The following NELFB variants were observed in gnomAD, a reference collection of about 807,000 sequenced individuals.
NELFB encodes negative elongation factor B.
A neutral mutation model predicts 60.2 loss-of-function variants in NELFB; 34 were observed. That is an observed-to-expected ratio of 0.56 (90% CI 0.43 to 0.75). NELFB has a LOEUF of 0.75. Among genes scored for constraint, NELFB ranks in the 30% least tolerant of loss-of-function variants. The probability of loss-of-function intolerance (pLI) is 0.00; values close to 1 mark genes in which losing one functional copy is unlikely to be tolerated. For missense variants in NELFB, 770 were observed against 831.6 expected (o/e 0.93, Z 0.91); for synonymous variants, 459 against 382.1 (o/e 1.20, Z -2.35).
chr9:137,261,140 A>G (rs1830435443), intron 4 of NELFB, among the ~76,000 whole-genome samples: 1 of 149,472 alleles, frequency 6.7e-6, no homozygotes, highest in Non-Finnish European at 1.5e-5. Flanking sequence ...CAGGAGATCG[A>G]GACCATCCTG....
chr9:137,272,276 A>G, intron 11 of NELFB, 54 bp downstream of exon 11: 3 of 1,600,786 alleles, frequency 1.9e-6, no homozygotes, highest in Non-Finnish European at 2.6e-6. Context: ...TCTTGTCCGT[A>G]GCAGCCTGAG....
intron 10 of NELFB, among the ~76,000 whole-genome samples, chr9:137,268,670 C>T (rs1465415989): frequency 6.6e-6 from 1 of 152,122 alleles, no homozygotes; most frequent in Admixed American, 6.6e-5. Context: ...CTGGCTGGGG[C>T]TTTTTGCTGT....
At chr9:137,267,162 G>A (rs1184931927) in intron 9 of NELFB, 76 bp downstream of exon 9, 28 of 1,611,820 alleles carry the variant, frequency 1.7e-5, no homozygotes, top group Non-Finnish European at 2.2e-5. Flanking sequence ...GCTGCCTCAG[G>A]GCTGGGCAGG....
At chr9:137,263,591 T>A (rs13300843) in intron 5 of NELFB, among the ~76,000 whole-genome samples, 103,317 of 150,314 alleles carry the variant, frequency 0.69, 36,155 homozygotes, top group Admixed American at 0.77. Flanking sequence ...TTCTCTCCCA[T>A]GCCTGTTTCC....
At chr9:137,264,388 C>T (rs1256918417) in intron 6 of NELFB, 31 bp downstream of exon 6, 1 of 1,497,202 alleles carries the variant, frequency 6.7e-7, no homozygotes, top group South Asian at 1.2e-5. Flanking sequence ...GCCTCTGCCC[C>T]TCAGGGCCCT....
rs1253026203 is a variant in NELFB, at chr9:137,272,802, G to A, written c.1761G>A (p.Glu587=). 1.9e-6 allele frequency: 3 copies of A among 1,549,696 alleles called. No individual in the cohort carries two copies. Among genetic ancestry groups the A allele is most frequent in the Admixed American group, 2.0e-5 (1 of 50,994 alleles). Reference sequence around the variant, plus strand: ...CGCAGAGCGGAGAGGCAGTGAAGGAGCTTTACTCCCAGCTCGGCGAGAAGC... The same window carrying A: ...CGCAGAGCGGAGAGGCAGTGAAGGAACTTTACTCCCAGCTCGGCGAGAAGC... Residue 587 remains glutamate, a synonymous_variant, in exon 13 of 13, where the codon GAG becomes GAA. Transcript: ENST00000343053.
Position 137,255,436 on chromosome 9 carries a change from G to A in NELFB, c.71G>A (p.Gly24Glu). ...CGAGGCCCGGCGGAGCGGGCTTCTG[G>A]GGTGTCTGCGGCGGCGCCGGGGGAA... The change falls in exon 1 of 13, where the codon GGG (glycine) becomes GAG (glutamate). Residue 24 changes from glycine to glutamate, a missense_variant. Coordinates refer to ENST00000343053, the MANE Select transcript of NELFB (RefSeq NM_015456.5). 2.2e-6 allele frequency: 3 copies of A among 1,345,448 alleles called. No homozygotes were observed. The highest frequency in any genetic ancestry group is 3.0e-6 in the Non-Finnish European group (3 of 1,014,380). The allele number at this position is 1,345,448 out of a possible 1,614,324, so 83.3% of individuals were successfully genotyped here. A position where few individuals can be genotyped will look rare whatever the true frequency, so the allele number is the denominator to read the frequency against.
chr9:137,256,554 A>G (rs1305611757), intron 3 of NELFB, 126 bp downstream of exon 3: 4 of 856,836 alleles, frequency 4.7e-6, no homozygotes, highest in Non-Finnish European at 7.5e-6. Flanking sequence ...AGTGCTGTCC[A>G]TGGTGAGCTC....
At chr9:137,270,539 G>A (rs1026592728) in intron 10 of NELFB, among the ~76,000 whole-genome samples, 2 of 152,316 alleles carry the variant, frequency 1.3e-5, no homozygotes, top group South Asian at 2.1e-4. Context: ...GCAGTGAGCC[G>A]AGATTGCACC....
chr9:137,261,728 G>A (rs530476220), intron 4 of NELFB, among the ~76,000 whole-genome samples: 6 of 151,992 alleles, frequency 3.9e-5, no homozygotes, highest in African/African-American at 1.2e-4. Flanking sequence ...TTTTCTCCCC[G>A]TGTGCGGAGA....
intron 8 of NELFB, 99 bp downstream of exon 8, chr9:137,266,525 C>T (rs912259193): frequency 2.0e-6 from 2 of 1,021,390 alleles, no homozygotes; most frequent in Admixed American, 4.9e-5. Context: ...TGTGGAGGCC[C>T]CTTTGGTCCC....
At chr9:137,260,397 T>A (rs531100459) in intron 4 of NELFB, among the ~76,000 whole-genome samples, 7 of 92,740 alleles carry the variant, frequency 7.5e-5, no homozygotes, top group South Asian at 3.9e-4. Flanking sequence ...TTTTTTAAAA[T>A]TTTTTTTATT....
At chr9:137,267,166 G>C (rs1588189145) in intron 9 of NELFB, 74 bp from the exon 10 acceptor site, 1 of 1,611,804 alleles carries the variant, frequency 6.2e-7, no homozygotes, top group East Asian at 2.2e-5. Flanking sequence ...CCTCAGGGCT[G>C]GGCAGGGGTC....
rs539285051 is a variant in NELFB at position 137,265,908 on chromosome 9, G to T, written c.1072G>T (p.Ala358Ser). The T allele has an allele frequency of 1.2e-6, 2 of 1,613,054 alleles. No individual in the cohort carries two copies. The highest frequency in any genetic ancestry group is 1.7e-6 in the Non-Finnish European group (2 of 1,179,896). ...GTCCATGATCCTGTGTGACCCCTTC[G>T]CCATCAACACGCTGGCACTGAGCAC... Residue 358 changes from alanine to serine, a missense_variant, in exon 7 of 13, where the codon GCC becomes TCC. Physicochemically the swap from Ala to Ser is moderately conservative, Grantham distance 99. Transcript: ENST00000343053.
At chr9:137,260,484 C>G (rs756251025) in intron 4 of NELFB, among the ~76,000 whole-genome samples, 1 of 109,466 alleles carries the variant, frequency 9.1e-6, no homozygotes, top group Non-Finnish European at 1.8e-5. Context: ...ACGTAGTGTC[C>G]TTCTGTTGCC....
At chr9:137,259,172 C>T (rs1462691166) in intron 4 of NELFB, among the ~76,000 whole-genome samples, 1 of 152,012 alleles carries the variant, frequency 6.6e-6, no homozygotes, top group African/African-American at 2.4e-5. Context: ...ACCTGGGCGA[C>T]AGAGTGAGAG....
chr9:137,272,214 C>T lies in NELFB; in HGVS notation c.1623C>T (p.Ala541=). The stretch of plus-strand genomic sequence containing the variant: ...TCTTCGATGGCTTCTTCCTCACCGC[C>T]TCTCCAAGGTAGGCCTGCTGGGTAC... The change falls in exon 11 of 13, where the codon GCC becomes GCT. Residue 541 remains alanine (A), a synonymous_variant. Transcript: ENST00000343053. 1 of 1,614,136 alleles carries T rather than the reference C, an allele frequency of 6.2e-7. No homozygotes were observed. The highest frequency in any genetic ancestry group is 1.1e-5 in the South Asian group (1 of 91,090).
At position 137,262,113 on chromosome 9, in the gene NELFB, C is replaced by T. The variant is rs185511320; in HGVS notation, c.742-924C>T. ...AGGTGTACAGGATGGAACATGAAGG[C>T]GGACAAGGAGCGTGACCACTGAAGC... On this transcript the variant is annotated intron_variant, in intron 4 of 12. Coordinates refer to ENST00000343053, the MANE Select transcript of NELFB (RefSeq NM_015456.5). Among the ~76,000 whole-genome samples the T allele has an allele frequency of 5.3e-5, 8 of 152,252 alleles. No individual in the cohort carries two copies. The East Asian group carries it at 1.2e-3, about 22-fold the overall frequency.
chr9:137,261,920 A>G (rs1044998074), intron 4 of NELFB, among the ~76,000 whole-genome samples: 7 of 151,980 alleles, frequency 4.6e-5, no homozygotes, highest in Non-Finnish European at 7.4e-5. Context: ...ATGATAGGTA[A>G]GGTCACGTGG....
Sources: gnomAD v4.1 joint callset for allele counts (sites outside exome capture counted in the v4.1 genomes callset) on GRCh38, gnomAD v4.1.1 for gene constraint, MANE v1.5 for transcripts, NCBI Gene and HGNC (gene_info 2026-07-23, HGNC 2026-07-21) for gene names.